NIPA1: variants seen among roughly 807,000 people sequenced by gnomAD.
NIPA1 encodes NIPA magnesium transporter 1.
Under a neutral mutation model 23.9 loss-of-function variants are expected in NIPA1, and 13 were observed. That is an observed-to-expected ratio of 0.54 (90% CI 0.35 to 0.87). The LOEUF is 0.87. NIPA1 is among the 40% of genes least tolerant of loss of function. The probability of loss-of-function intolerance (pLI) is 0.01; values close to 1 mark genes in which losing one functional copy is unlikely to be tolerated. For missense variants in NIPA1, 362 were observed against 429.7 expected (o/e 0.84, Z 1.39); for synonymous variants, 234 against 202.9 (o/e 1.15, Z -1.30).
chr15:22,829,117 T>C lies in NIPA1; in HGVS notation c.*4878T>C, dbSNP rs1320266297. 6.6e-6 allele frequency: 1 copy of C among 152,246 alleles called. No individual in the cohort carries two copies. Among genetic ancestry groups the C allele is most frequent in the Non-Finnish European group, 1.5e-5 (1 of 68,046 alleles). The allele number at this position is 152,246 out of a possible 1,614,324, so 9.4% of individuals were successfully genotyped here. Reference sequence around the variant, plus strand: ...AGAAAGGGTTTTATATGTTCTATTGTAAAATATGGAAATTAAACAGGGACT... The same window carrying C: ...AGAAAGGGTTTTATATGTTCTATTGCAAAATATGGAAATTAAACAGGGACT... On this transcript the variant is annotated 3_prime_UTR_variant, in exon 5 of 5. Transcript: ENST00000337435.
intron 1 of NIPA1, among the ~76,000 whole-genome samples, chr15:22,802,927 C>T (rs1270831707): frequency 6.6e-6 from 1 of 152,030 alleles, no homozygotes; most frequent in Non-Finnish European, 1.5e-5. Flanking sequence ...TACCAGTTTA[C>T]ATATCCATTC....
chr15:22,806,518 A>G (rs998596316), intron 1 of NIPA1, among the ~76,000 whole-genome samples: 2 of 152,132 alleles, frequency 1.3e-5, no homozygotes, highest in Non-Finnish European at 2.9e-5. Flanking sequence ...GACAAACAGC[A>G]TCCTCTGCAT....
At chr15:22,816,167 CA>C (rs1391553488) in intron 3 of NIPA1, among the ~76,000 whole-genome samples, 1 of 143,144 alleles carries the variant, frequency 7.0e-6, no homozygotes, top group Non-Finnish European at 1.5e-5. Flanking sequence ...CCTTTATTGG[CA>C]GAAGACCTGA....
intron 3 of NIPA1, among the ~76,000 whole-genome samples, chr15:22,817,998 G>A (rs1174410441): frequency 6.6e-6 from 1 of 151,894 alleles, no homozygotes; most frequent in Non-Finnish European, 1.5e-5. Flanking sequence ...ATCACGAAGG[G>A]CACAAACAAC....
At position 22,829,571 on chromosome 15, in the gene NIPA1, G is replaced by A. The variant is rs780182817; in HGVS notation, c.*5332G>A. 3.3e-5 allele frequency: 5 copies of A among 152,112 alleles called. No individual in the cohort carries two copies. Among genetic ancestry groups the A allele is most frequent in the African/African-American group, 9.7e-5 (4 of 41,406 alleles). 9.4% of individuals were successfully genotyped at this position (152,112 alleles called of 1,614,324 possible). On this transcript the variant is annotated 3_prime_UTR_variant, in exon 5 of 5. Transcript: ENST00000337435. ...ATGTAAAAAATGTCAAATGTTGATTGGTTGTGTAAAAGTTTTGTCATAGAC... is the reference window on the plus strand; with the variant it reads ...ATGTAAAAAATGTCAAATGTTGATTAGTTGTGTAAAAGTTTTGTCATAGAC...
chr15:22,823,802 C>G lies in NIPA1; in HGVS notation c.553C>G (p.Pro185Ala). The G allele has an allele frequency of 1.2e-6, 2 of 1,613,726 alleles. No individual in the cohort carries two copies. The highest frequency in any genetic ancestry group is 8.5e-7 in the Non-Finnish European group (1 of 1,179,850). The part of the protein sequence containing the change: ...LIFWIAPAHG[P>A]TNIMVYISIC... ...CTTCTGGATCGCGCCGGCCCATGGGCCCACCAACATCATGGTCTACATCAG... is the reference window on the plus strand; with the variant it reads ...CTTCTGGATCGCGCCGGCCCATGGGGCCACCAACATCATGGTCTACATCAG... Residue 185 changes from proline (P) to alanine (A), a missense_variant, in exon 5 of 5, where the codon CCC (proline) becomes GCC (alanine). Pro to Ala is a conservative substitution (Grantham distance 27, BLOSUM62 -1). Coordinates refer to ENST00000337435, the MANE Select transcript of NIPA1 (RefSeq NM_144599.5).
chr15:22,793,842 A>G (rs1022525692), intron 1 of NIPA1, among the ~76,000 whole-genome samples: 19 of 152,054 alleles, frequency 1.2e-4, no homozygotes, highest in Non-Finnish European at 2.8e-4. Flanking sequence ...TCCCCAGTGT[A>G]TGTTCTTGCT....
intron 1 of NIPA1, among the ~76,000 whole-genome samples, chr15:22,787,957 T>C (rs1235278036): frequency 6.6e-6 from 1 of 152,144 alleles, no homozygotes; most frequent in East Asian, 1.9e-4. Flanking sequence ...TCCCATACAA[T>C]TTAAATAGAA....
At chr15:22,807,782 T>TGTGTGTGTGTGTGTGTGTG (rs1555372971) in intron 1 of NIPA1, among the ~76,000 whole-genome samples, 3 of 145,930 alleles carry the variant, frequency 2.1e-5, no homozygotes, top group East Asian at 4.1e-4. Flanking sequence ...TTAAATTCAC[T>TGTGTGTGTGTGTGTGTGTG]TGTGTGTGTG....
At chr15:22,787,769 CTT>C (rs1431787165) in intron 1 of NIPA1, among the ~76,000 whole-genome samples, 3 of 152,150 alleles carry the variant, frequency 2.0e-5, no homozygotes, top group African/African-American at 2.4e-5. Context: ...GCCCCCGACT[CTT>C]GGGTTGTGAG....
At chr15:22,813,343 G>T (rs1450699626) in intron 3 of NIPA1, among the ~76,000 whole-genome samples, 1 of 151,540 alleles carries the variant, frequency 6.6e-6, no homozygotes, top group Non-Finnish European at 1.5e-5. Flanking sequence ...CTTTTTAATT[G>T]ATACACATGA....
At chr15:22,787,627 G>C (rs1456233138) in intron 1 of NIPA1, among the ~76,000 whole-genome samples, 1 of 152,194 alleles carries the variant, frequency 6.6e-6, no homozygotes, top group Non-Finnish European at 1.5e-5. Context: ...GACGGGACCG[G>C]TTTGCCAATG....
intron 3 of NIPA1, among the ~76,000 whole-genome samples, chr15:22,813,450 T>G (rs886542130): frequency 6.6e-6 from 1 of 152,162 alleles, no homozygotes; most frequent in Non-Finnish European, 1.5e-5. Context: ...GCAGCTGGAC[T>G]CTCTGTTTAC....
chr15:22,812,245 A>G lies in NIPA1; in HGVS notation c.309A>G (p.Val103=), dbSNP rs760912427. Reference sequence around the variant, plus strand: ...TAACCCCCCTGGGCGCCCTTGGAGTACCGTTCGGGTGAGAGCCAAGATTGT... The same window carrying G: ...TAACCCCCCTGGGCGCCCTTGGAGTGCCGTTCGGGTGAGAGCCAAGATTGT... The part of the protein sequence containing the change: ...VLVTPLGALG[V]PFGSILASYL... Residue 103 remains valine (V), a synonymous_variant, in exon 3 of 5, where the codon GTA becomes GTG. Coordinates refer to ENST00000337435, the MANE Select transcript of NIPA1 (RefSeq NM_144599.5). 1 of 1,611,056 alleles carries G rather than the reference A, an allele frequency of 6.2e-7. No individual in the cohort carries two copies. Among genetic ancestry groups the G allele is most frequent in the Non-Finnish European group, 8.5e-7 (1 of 1,177,260 alleles).
At chr15:22,811,144 T>C in intron 2 of NIPA1, 1 of 300,714 alleles carries the variant, frequency 3.3e-6, no homozygotes, top group Non-Finnish European at 6.3e-6. Flanking sequence ...GCTGTTGGCA[T>C]TTGGTGAAAT....
chr15:22,816,011 T>C (rs750574924), intron 3 of NIPA1, among the ~76,000 whole-genome samples: 1 of 152,108 alleles, frequency 6.6e-6, no homozygotes, highest in East Asian at 1.9e-4. Flanking sequence ...AGGGTTGATG[T>C]TTTCCCCTTA....
intron 1 of NIPA1, among the ~76,000 whole-genome samples, chr15:22,802,134 C>T (rs1300356756): frequency 6.6e-6 from 1 of 151,968 alleles, no homozygotes; most frequent in Non-Finnish European, 1.5e-5. Context: ...TGGCTCACGC[C>T]CGTAATCCCA....
chr15:22,821,865 A>G lies in NIPA1; in HGVS notation c.478+1392A>G, dbSNP rs528334642. ...TTCATGGAAAACACAACCTCCTTAT[A>G]CACACAAGTTCAAACCATCAATTTA... On this transcript the variant is annotated intron_variant, in intron 4 of 4. Transcript: ENST00000337435. Among the ~76,000 whole-genome samples the G allele has an allele frequency of 3.3e-5, 5 of 152,332 alleles. No individual in the cohort carries two copies. The East Asian group carries it at 5.8e-4, about 18-fold the overall frequency.
intron 4 of NIPA1, 125 bp from the exon 5 acceptor site, chr15:22,823,603 G>A: frequency 1.1e-6 from 1 of 881,590 alleles, no homozygotes. Flanking sequence ...TGCTCCCCAG[G>A]GCTGTGCCGC....
Sources: gnomAD v4.1 joint callset for allele counts (sites outside exome capture counted in the v4.1 genomes callset) on GRCh38, gnomAD v4.1.1 for gene constraint, MANE v1.5 for transcripts, NCBI Gene and HGNC (gene_info 2026-07-23, HGNC 2026-07-21) for gene names.